The following LRP1B variants were observed in gnomAD, a reference collection of about 807,000 sequenced individuals.
The protein encoded by LRP1B is low-density lipoprotein receptor-related protein 1B.
In LRP1B, 217 loss-of-function variants were observed where a neutral mutation model predicts 556.6. The ratio of observed to expected loss-of-function variants is 0.39; its 90% CI spans 0.35 to 0.44. The LOEUF is 0.44. Ranked by LOEUF, LRP1B falls within the 20% of genes least tolerant of loss-of-function variation. The pLI, the probability that LRP1B is intolerant of heterozygous loss-of-function variation, is 1.00. For synonymous variants in LRP1B, 2,047 were observed against 1,865.8 expected, an observed-to-expected ratio of 1.10 and a Z score of -2.50; for missense variants, 5,053 against 5,620.8, an observed-to-expected ratio of 0.90 and a Z score of 3.23.
chr2:141,745,816 G>C lies in LRP1B; in HGVS notation c.205+64463C>G, dbSNP rs927030604. ...TCTCACCTGGAGCCAGAAAGTCTCA[G>C]AGTCTCACCCAAGGCCCATGGTATA... On this transcript the variant is annotated intron_variant, in intron 2 of 90. Transcript: ENST00000389484. Among the ~76,000 whole-genome samples the C allele has an allele frequency of 2.6e-5, 4 of 152,198 alleles. 1 individual carries two copies. In the South Asian group the frequency reaches 8.3e-4, roughly 32 times the overall value.
chr2:140,905,398 G>A lies in LRP1B; in HGVS notation c.3521-2233C>T, dbSNP rs988348689. Among the ~76,000 whole-genome samples the A allele has an allele frequency of 5.9e-4, 90 of 152,264 alleles. 2 individuals carry two copies. Among genetic ancestry groups the A allele is most frequent in the African/African-American group, 2.0e-3 (84 of 41,548 alleles). On this transcript the variant is annotated intron_variant, in intron 22 of 90. Coordinates refer to ENST00000389484, the MANE Select transcript of LRP1B (RefSeq NM_018557.3). ...GATAGGCCCTGAACCTCCTCTTAGA[G>A]TAGTTGCTTTAGAAAGCTTGCAATT...
At chr2:141,408,931 C>A (rs776401484) in intron 3 of LRP1B, among the ~76,000 whole-genome samples, 1 of 152,022 alleles carries the variant, frequency 6.6e-6, no homozygotes, top group East Asian at 1.9e-4. Context: ...TCTCTTCTTC[C>A]GCATATATAG....
chr2:141,320,915 G>A (rs549580706), intron 3 of LRP1B, among the ~76,000 whole-genome samples: 1 of 152,142 alleles, frequency 6.6e-6, no homozygotes, highest in South Asian at 2.1e-4. Context: ...TTCTTCTGAG[G>A]ATTTATAATA....
At chr2:141,835,916 A>G (rs1697260360) in intron 1 of LRP1B, among the ~76,000 whole-genome samples, 1 of 151,992 alleles carries the variant, frequency 6.6e-6, no homozygotes, top group Non-Finnish European at 1.5e-5. Context: ...CTCAGTTGAT[A>G]AATTATTGTC....
intron 3 of LRP1B, among the ~76,000 whole-genome samples, chr2:141,453,617 TATTG>T (rs1681507025): frequency 1.3e-5 from 2 of 152,126 alleles, no homozygotes; most frequent in Non-Finnish European, 2.9e-5. Context: ...GAAATGCATA[TATTG>T]AAAGTTCTAC....
chr2:141,318,754 G>A (rs1305045824), intron 3 of LRP1B, among the ~76,000 whole-genome samples: 3 of 152,074 alleles, frequency 2.0e-5, no homozygotes, highest in Non-Finnish European at 4.4e-5. Context: ...TAACCATGAA[G>A]TCTCACCATC....
rs1689439798 is a variant in LRP1B at position 140,506,876 on chromosome 2, T to C, written c.8441A>G (p.Asn2814Ser). Residue 2814 changes from asparagine (N) to serine (S), a missense_variant, in exon 53 of 91, where the codon AAT becomes AGT. Physicochemically the swap from Asn to Ser is conservative, Grantham distance 46 (BLOSUM62 1). Coordinates refer to ENST00000389484, the MANE Select transcript of LRP1B (RefSeq NM_018557.3). Reference protein sequence around the residue: ...TCDENAFMCHNKVCIPKQFVC... With the variant: ...TCDENAFMCHSKVCIPKQFVC... The stretch of plus-strand genomic sequence containing the variant: ...AAATTGCTTGGGAATGCATACTTTA[T>C]TATGGCACATGAAAGCATTTTCATC... 6.2e-7 allele frequency: 1 copy of C among 1,613,912 alleles called. No homozygotes were observed. Among genetic ancestry groups the C allele is most frequent in the South Asian group, 1.1e-5 (1 of 91,070 alleles).
intron 3 of LRP1B, among the ~76,000 whole-genome samples, chr2:141,271,579 A>G (rs997002363): frequency 2.0e-5 from 3 of 151,930 alleles, no homozygotes; most frequent in Non-Finnish European, 4.4e-5. Context: ...CAGTTGGATA[A>G]TATATTCAAA....
chr2:141,625,441 A>G (rs1382671887), intron 2 of LRP1B, among the ~76,000 whole-genome samples: 1 of 152,218 alleles, frequency 6.6e-6, no homozygotes, highest in East Asian at 1.9e-4. Context: ...GGATATTATG[A>G]AAACATTATC....
intron 3 of LRP1B, among the ~76,000 whole-genome samples, chr2:141,461,007 C>T (rs1055122905): frequency 2.0e-5 from 3 of 150,744 alleles, no homozygotes; most frequent in Admixed American, 6.6e-5. Context: ...AGCCAACTCT[C>T]TTTGCAGTTA....
At chr2:141,604,308 C>T (rs188566858) in intron 2 of LRP1B, among the ~76,000 whole-genome samples, 5 of 152,124 alleles carry the variant, frequency 3.3e-5, no homozygotes, top group East Asian at 1.9e-4. Flanking sequence ...TATAACAGAG[C>T]GTTCTCTAAT....
chr2:141,243,638 AAT>A (rs202148601), intron 5 of LRP1B, among the ~76,000 whole-genome samples: 4,348 of 152,298 alleles, frequency 0.029, 92 homozygotes, highest in South Asian at 0.048. Context: ...TACTTTAAAA[AAT>A]ATGTTTCAGA....
Position 140,770,826 on chromosome 2 carries a change from T to C in LRP1B, c.5626+55A>G, listed in dbSNP as rs1689284363. The C allele has an allele frequency of 7.6e-6, 11 of 1,447,222 alleles. No individual in the cohort carries two copies. In the East Asian group the frequency reaches 2.7e-4, roughly 35 times the overall value. The allele number at this position is 1,447,222 out of a possible 1,614,324, so 89.6% of individuals were successfully genotyped here. A position where few individuals can be genotyped will look rare whatever the true frequency, so the allele number is the denominator to read the frequency against. ...TTGGTTGCCTAACATCTGCATGGTA[T>C]GTAATGATTAGTGAAGTAAATGAAC... On this transcript the variant is annotated intron_variant, in intron 34 of 90. Coordinates refer to ENST00000389484, the MANE Select transcript of LRP1B (RefSeq NM_018557.3).
At chr2:141,518,776 C>T (rs1684419998) in intron 2 of LRP1B, among the ~76,000 whole-genome samples, 1 of 152,070 alleles carries the variant, frequency 6.6e-6, no homozygotes, top group African/African-American at 2.4e-5. Context: ...TGGTGAAACC[C>T]TGTCACTACT....
At chr2:141,696,812 G>A (rs1004062816) in intron 2 of LRP1B, among the ~76,000 whole-genome samples, 2 of 151,960 alleles carry the variant, frequency 1.3e-5, no homozygotes, top group Middle Eastern at 3.2e-3. Context: ...GGGGATATGA[G>A]TGACTGTTTT....
At chr2:140,567,900 T>C (rs1412196348) in intron 43 of LRP1B, among the ~76,000 whole-genome samples, 1 of 152,200 alleles carries the variant, frequency 6.6e-6, no homozygotes, top group African/African-American at 2.4e-5. Flanking sequence ...TCACAGAGAC[T>C]GTATCACTGC....
intron 6 of LRP1B, among the ~76,000 whole-genome samples, chr2:141,192,522 C>T (rs1333691962): frequency 6.6e-6 from 1 of 151,712 alleles, no homozygotes; most frequent in Non-Finnish European, 1.5e-5. Flanking sequence ...ATGTAAGTCC[C>T]TTATTGCTTT....
chr2:140,836,210 T>C (rs975611485), intron 31 of LRP1B, among the ~76,000 whole-genome samples: 7 of 152,204 alleles, frequency 4.6e-5, no homozygotes, highest in Admixed American at 2.0e-4. Context: ...CATGAGATAT[T>C]GCATATGGGC....
In LRP1B at chr2:141,866,029, C is replaced by T. The variant is rs139170421; in HGVS notation, c.83-55628G>A. Among the ~76,000 whole-genome samples the T allele has an allele frequency of 1.2e-4, 19 of 152,340 alleles. No homozygotes were observed. In the East Asian group the frequency reaches 3.7e-3, roughly 29 times the overall value. ...CAAAGTATGATGCTTTATTCGATTTCACTGAGCAGAGCTGGAGAATAGGGA... is the reference window on the plus strand; with the variant it reads ...CAAAGTATGATGCTTTATTCGATTTTACTGAGCAGAGCTGGAGAATAGGGA... On this transcript the variant is annotated intron_variant, in intron 1 of 90. Coordinates refer to ENST00000389484, the MANE Select transcript of LRP1B (RefSeq NM_018557.3).
Sources: gnomAD v4.1 joint callset for allele counts (sites outside exome capture counted in the v4.1 genomes callset) on GRCh38, gnomAD v4.1.1 for gene constraint, MANE v1.5 for transcripts, NCBI Gene and HGNC (gene_info 2026-07-23, HGNC 2026-07-21) for gene names.